ZBTB1: variants seen among roughly 807,000 people sequenced by gnomAD.
The protein encoded by ZBTB1 is zinc finger and BTB domain containing 1, also known as zinc finger and BTB domain-containing protein 1.
A neutral mutation model predicts 51.6 loss-of-function variants in ZBTB1; 13 were observed. The ratio of observed to expected loss-of-function variants is 0.25; its 90% CI spans 0.16 to 0.40. The LOEUF (loss-of-function observed/expected upper bound fraction) is 0.40. Among genes scored for constraint, ZBTB1 ranks in the 10% least tolerant of loss-of-function variants. The pLI, the probability that ZBTB1 is intolerant of heterozygous loss-of-function variation, is 1.00. For missense variants in ZBTB1, 567 were observed against 856.5 expected (o/e 0.66, Z 4.22); for synonymous variants, 240 against 282.2 (o/e 0.85, Z 1.50).
chr14:64,515,657 A>C (rs2079774701), intron 1 of ZBTB1, among the ~76,000 whole-genome samples: 1 of 151,896 alleles, frequency 6.6e-6, no homozygotes, highest in Admixed American at 6.6e-5. Flanking sequence ...AGTAGCTGGG[A>C]ATACAGGTGC....
At position 64,522,643 on chromosome 14, in the gene ZBTB1, T is replaced by G; in HGVS notation, c.1139T>G (p.Ile380Arg). ...TACTATGTTGAAGAAGATGTCAGCATAAAAAAAAGTGGTAGGAAAACTCTA... is the reference window on the plus strand; with the variant it reads ...TACTATGTTGAAGAAGATGTCAGCAGAAAAAAAAGTGGTAGGAAAACTCTA... Reference protein sequence around the residue: ...YRYYVEEDVSIKKSGRKTLKP... With the variant: ...YRYYVEEDVSRKKSGRKTLKP... Residue 380 changes from isoleucine to arginine, a missense_variant, in exon 2 of 2, where the codon ATA becomes AGA. By Grantham distance (97) the Ile-to-Arg change is moderately conservative. This residue lies in a region of ZBTB1 where 329 missense variants were observed against 406.3 expected (regional missense o/e 0.81). Coordinates refer to ENST00000683701, the MANE Select transcript of ZBTB1 (RefSeq NM_001123329.2). The G allele has an allele frequency of 1.2e-6, 2 of 1,613,836 alleles. No individual in the cohort carries two copies. Among genetic ancestry groups the G allele is most frequent in the Non-Finnish European group, 8.5e-7 (1 of 1,179,922 alleles).
upstream of ZBTB1, chr14:64,504,216 G>T (rs2079595682): frequency 6.6e-6 from 1 of 151,738 alleles, no homozygotes; most frequent in Non-Finnish European, 1.5e-5. Context: ...CATGGCGGGG[G>T]AAGTGACTCA....
chr14:64,518,909 T>TAC (rs1280284483), intron 1 of ZBTB1, among the ~76,000 whole-genome samples: 1 of 100,172 alleles, frequency 1.0e-5, no homozygotes, highest in East Asian at 2.7e-4. Flanking sequence ...GAGAGGTATA[T>TAC]ATATATATAT....
intron 1 of ZBTB1, among the ~76,000 whole-genome samples, chr14:64,506,922 A>G (rs1043378292): frequency 6.6e-6 from 1 of 152,344 alleles, no homozygotes; most frequent in Middle Eastern, 3.4e-3. Flanking sequence ...TAACACTTCT[A>G]AATTTTTGTA....
At position 64,517,756 on chromosome 14, in the gene ZBTB1, AATATATAT is replaced by A. The variant is rs71444661; in HGVS notation, c.-18-3712_-18-3705del. 6.8e-3 allele frequency among the ~76,000 whole-genome samples: 413 copies of A among 60,714 alleles called. 12 individuals carry two copies. The highest frequency in any genetic ancestry group is 0.017 in the African/African-American group (266 of 15,764). 39.8% of individuals were successfully genotyped at this position (60,714 alleles called of 152,430 possible). ...CCCACTTCTGTAGTTGCCATTTAGAAATATATATATATATATATATATATATTTTTTTT... is the reference window on the plus strand; with the variant it reads ...CCCACTTCTGTAGTTGCCATTTAGAAATATATATATATATATATTTTTTTT... On this transcript the variant is annotated intron_variant, in intron 1 of 1. Transcript: ENST00000683701.
At chr14:64,520,514 C>T (rs546418701) in intron 1 of ZBTB1, among the ~76,000 whole-genome samples, 3 of 151,864 alleles carry the variant, frequency 2.0e-5, no homozygotes, top group East Asian at 1.9e-4. Flanking sequence ...GTTTTTAAGG[C>T]GAGATCTTGC....
At chr14:64,531,948 A>G (rs758589995) in exon 3 of ZBTB1, 1 of 1,604,332 alleles carries the variant, frequency 6.2e-7, no homozygotes, top group Non-Finnish European at 8.5e-7. Context: ...TCAACAGATA[A>G]TCTTTAAGTA....
At chr14:64,516,951 T>C (rs764894685) in intron 1 of ZBTB1, among the ~76,000 whole-genome samples, 1 of 152,256 alleles carries the variant, frequency 6.6e-6, no homozygotes, top group Non-Finnish European at 1.5e-5. Context: ...ATAAAACTGC[T>C]GCTCATCTAG....
intron 1 of ZBTB1, among the ~76,000 whole-genome samples, chr14:64,517,903 G>A (rs2079812454): frequency 6.7e-6 from 1 of 149,390 alleles, no homozygotes; most frequent in South Asian, 2.1e-4. Flanking sequence ...GCATGATCTC[G>A]GCTCACTGCA....
chr14:64,522,310 G>T lies in ZBTB1; in HGVS notation c.806G>T (p.Gly269Val). 6.2e-7 allele frequency: 1 copy of T among 1,614,142 alleles called. No individual in the cohort carries two copies. The highest frequency in any genetic ancestry group is 8.5e-7 in the Non-Finnish European group (1 of 1,180,026). ...GKDSNIKAEF[G>V]EKDSSKTFSA... is the part of the protein sequence containing the mutation. ...GACAGTAACATCAAAGCTGAATTTGGTGAAAAAGATTCTTCCAAAACATTT... is the reference window on the plus strand; with the variant it reads ...GACAGTAACATCAAAGCTGAATTTGTTGAAAAAGATTCTTCCAAAACATTT... Residue 269 changes from glycine (G) to valine (V), a missense_variant, in exon 2 of 2, where the codon GGT (glycine) becomes GTT (valine). By Grantham distance (109) the Gly-to-Val change is moderately radical. This residue lies in a region of ZBTB1 where 329 missense variants were observed against 406.3 expected (regional missense o/e 0.81). Coordinates refer to ENST00000683701, the MANE Select transcript of ZBTB1 (RefSeq NM_001123329.2).
At chr14:64,520,952 G>T (rs1429788487) in intron 1 of ZBTB1, among the ~76,000 whole-genome samples, 1 of 150,656 alleles carries the variant, frequency 6.6e-6, no homozygotes, top group Non-Finnish European at 1.5e-5. Context: ...GCCTCTACCT[G>T]TCGGGCTCAA....
intron 1 of ZBTB1, among the ~76,000 whole-genome samples, chr14:64,519,934 A>T (rs1271466125): frequency 6.6e-6 from 1 of 152,238 alleles, no homozygotes; most frequent in African/African-American, 2.4e-5. Flanking sequence ...ATTCAAGAAA[A>T]GACAAAGGCA....
chr14:64,515,598 G>A (rs1029104355), intron 1 of ZBTB1, among the ~76,000 whole-genome samples: 8 of 148,144 alleles, frequency 5.4e-5, no homozygotes, highest in Middle Eastern at 3.5e-3. Flanking sequence ...TTGGCTCACT[G>A]TAAGCTCCGC....
intron 1 of ZBTB1, among the ~76,000 whole-genome samples, chr14:64,514,570 A>G (rs1248929359): frequency 1.3e-5 from 2 of 152,204 alleles, no homozygotes. Context: ...TGGAGGAAAA[A>G]TATTTCTGAA....
intron 1 of ZBTB1, among the ~76,000 whole-genome samples, chr14:64,510,297 C>T (rs1472413032): frequency 6.6e-6 from 1 of 152,214 alleles, no homozygotes; most frequent in Non-Finnish European, 1.5e-5. Flanking sequence ...GCAACCTTCT[C>T]AAGGTCACAC....
downstream of ZBTB1, among the ~76,000 whole-genome samples, chr14:64,529,699 A>C (rs1021795235): frequency 4.6e-5 from 7 of 152,276 alleles, no homozygotes; most frequent in African/African-American, 1.7e-4. Context: ...TGAGCCTGAG[A>C]GGTCAAGGCT....
exon 3 of ZBTB1, chr14:64,531,970 A>G (rs1182229978): frequency 6.4e-6 from 10 of 1,560,898 alleles, no homozygotes; most frequent in Non-Finnish European, 8.7e-6. Context: ...AGACCCAGGA[A>G]TATCAGATCT....
chr14:64,529,708 C>A (rs2079929132), downstream of ZBTB1, among the ~76,000 whole-genome samples: 1 of 152,108 alleles, frequency 6.6e-6, no homozygotes, highest in African/African-American at 2.4e-5. Context: ...GAGGTCAAGG[C>A]TGCAGTGAGC....
At chr14:64,518,678 G>T (rs1391589072) in intron 1 of ZBTB1, 1 of 151,848 alleles carries the variant, frequency 6.6e-6, no homozygotes, top group Non-Finnish European at 1.5e-5. Context: ...AATTGCATAG[G>T]AACTTATTTT....
Sources: gnomAD v4.1 joint callset for allele counts (sites outside exome capture counted in the v4.1 genomes callset) on GRCh38, gnomAD v4.1.1 for gene constraint, gnomAD v4.1.1 regional missense constraint, MANE v1.5 for transcripts, NCBI Gene and HGNC (gene_info 2026-07-23, HGNC 2026-07-21) for gene names.